MAP4K4: variants seen among roughly 807,000 people sequenced by gnomAD.
The protein encoded by MAP4K4 is mitogen-activated protein kinase kinase kinase kinase 4.
Under a neutral mutation model 189.6 loss-of-function variants are expected in MAP4K4, and 38 were observed. The observed-to-expected ratio is 0.20, with a 90% CI of 0.15 to 0.26. MAP4K4 has a LOEUF of 0.26. MAP4K4 is among the 10% of genes least tolerant of loss of function. The pLI is 1.00. For synonymous variants in MAP4K4, 610 were observed against 624.3 expected, an observed-to-expected ratio of 0.98 and a Z score of 0.34; for missense variants, 1,054 against 1,726.9, an observed-to-expected ratio of 0.61 and a Z score of 6.91.
At chr2:101,707,928 C>T (rs1359909671) in intron 2 of MAP4K4, among the ~76,000 whole-genome samples, 1 of 150,820 alleles carries the variant, frequency 6.6e-6, no homozygotes, top group Non-Finnish European at 1.5e-5. Flanking sequence ...TCTCTTATCT[C>T]CTGACCTGGT....
exon 33 of MAP4K4, chr2:101,893,399 C>T (rs919069180): frequency 2.7e-6 from 1 of 366,660 alleles, no homozygotes; most frequent in African/African-American, 2.1e-5. Context: ...AAAATTAATC[C>T]TACCTTTAAA....
rs767740727 is a variant in MAP4K4 at position 101,888,018 on chromosome 2, G to GT, written c.3931+82dup. On this transcript the variant is annotated intron_variant, in intron 31 of 32. Coordinates refer to ENST00000324219, the Ensembl canonical transcript of MAP4K4. The stretch of plus-strand genomic sequence containing the variant: ...TCCATTTATTTATCATGCTGATTTT[G>GT]TATGTCCTTCAGACCTTTTGACTAC... 101 of 1,337,892 alleles carry GT rather than the reference G, an allele frequency of 7.5e-5. 1 individual carries two copies. In the South Asian group the frequency reaches 1.1e-3, roughly 14 times the overall value. 82.9% of individuals were successfully genotyped at this position (1,337,892 alleles called of 1,614,324 possible).
intron 5 of MAP4K4, among the ~76,000 whole-genome samples, 190 bp downstream of exon 5, chr2:101,825,619 T>A (rs2096314148): frequency 6.6e-6 from 1 of 152,238 alleles, no homozygotes; most frequent in Non-Finnish European, 1.5e-5. Flanking sequence ...CTGGCAAGTA[T>A]GTAAAGAAGG....
intron 12 of MAP4K4, 91 bp downstream of exon 12, chr2:101,844,402 C>A: frequency 9.8e-7 from 1 of 1,021,532 alleles, no homozygotes; most frequent in Non-Finnish European, 1.4e-6. Flanking sequence ...TCCTCTGTAG[C>A]TTCCTGGGGT....
chr2:101,769,022 G>C (rs1311523698), intron 2 of MAP4K4, among the ~76,000 whole-genome samples: 1 of 152,182 alleles, frequency 6.6e-6, no homozygotes, highest in East Asian at 1.9e-4. Flanking sequence ...GTATTTGTGT[G>C]TGAATTTTGT....
chr2:101,801,155 A>C (rs2148976694), intron 3 of MAP4K4, among the ~76,000 whole-genome samples: 1 of 151,896 alleles, frequency 6.6e-6, no homozygotes, highest in Non-Finnish European at 1.5e-5. Flanking sequence ...GTACATGCAA[A>C]GTTTTGTTTT....
intron 2 of MAP4K4, among the ~76,000 whole-genome samples, chr2:101,767,159 C>G (rs184759165): frequency 3.2e-4 from 48 of 152,252 alleles, no homozygotes; most frequent in Non-Finnish European, 5.0e-4. Flanking sequence ...TGCCTCACTT[C>G]CCACTGGAGG....
chr2:101,739,561 G>A (rs1172237027), intron 2 of MAP4K4, among the ~76,000 whole-genome samples: 1 of 152,102 alleles, frequency 6.6e-6, no homozygotes, highest in Admixed American at 6.5e-5. Context: ...AAAAATCTGA[G>A]TGCTTAGTGC....
intron 2 of MAP4K4, among the ~76,000 whole-genome samples, chr2:101,712,377 G>C (rs1359973311): frequency 6.6e-6 from 1 of 152,020 alleles, no homozygotes; most frequent in Non-Finnish European, 1.5e-5. Context: ...TGTATTTTTA[G>C]TAGAGACGGG....
chr2:101,753,657 T>A (rs2070486529), intron 2 of MAP4K4, among the ~76,000 whole-genome samples: 1 of 151,922 alleles, frequency 6.6e-6, no homozygotes, highest in Admixed American at 6.6e-5. Flanking sequence ...TGTCCGCAAG[T>A]ATACAGTTTT....
intron 3 of MAP4K4, chr2:101,797,157 G>T: frequency 8.8e-7 from 1 of 1,130,292 alleles, no homozygotes; most frequent in Non-Finnish European, 1.1e-6. Flanking sequence ...TAATGAATGT[G>T]TTGTTCTTGT....
exon 33 of MAP4K4, chr2:101,891,325 G>A (rs972169432): frequency 7.6e-7 from 1 of 1,312,510 alleles, no homozygotes; most frequent in Non-Finnish European, 1.1e-6. Flanking sequence ...TGTAACTGGA[G>A]CTCGGAGCTG....
At position 101,866,392 on chromosome 2, in the gene MAP4K4, A is replaced by T. The variant is rs910225758; in HGVS notation, c.2205-36A>T. ...TAATTTGGTGCTGCATCTAGAGATG[A>T]CACATTAGCTGTTCTCTCTTCTTCT... On this transcript the variant is annotated intron_variant, in intron 18 of 32. Transcript: ENST00000324219. 5 of 1,585,426 alleles carry T rather than the reference A, an allele frequency of 3.2e-6. No individual in the cohort carries two copies. The African/African-American group carries it at 5.4e-5, about 17-fold the overall frequency.
At chr2:101,848,480 G>A (rs1319688022) in intron 12 of MAP4K4, among the ~76,000 whole-genome samples, 1 of 152,166 alleles carries the variant, frequency 6.6e-6, no homozygotes. Flanking sequence ...AAGATGGTCA[G>A]CCTCACTCAT....
At chr2:101,703,399 C>T (rs1326990707) in intron 2 of MAP4K4, among the ~76,000 whole-genome samples, 3 of 151,936 alleles carry the variant, frequency 2.0e-5, no homozygotes, top group African/African-American at 7.3e-5. Context: ...GGGCGGATCA[C>T]CTGAGGTCAG....
chr2:101,699,021 C>CT (rs770084858), intron 2 of MAP4K4, among the ~76,000 whole-genome samples: 3 of 152,122 alleles, frequency 2.0e-5, no homozygotes, highest in Non-Finnish European at 4.4e-5. Flanking sequence ...CCTGGGAATA[C>CT]TTTATAACTG....
At position 101,776,935 on chromosome 2, in the gene MAP4K4, A is replaced by G. The variant is rs570829044; in HGVS notation, c.124-13785A>G. Reference sequence around the variant, plus strand: ...GATTTTGTTTTTAAATTAAAAATATATATTTTTCTTTTTCTGACTATTGTC... The same window carrying G: ...GATTTTGTTTTTAAATTAAAAATATGTATTTTTCTTTTTCTGACTATTGTC... On this transcript the variant is annotated intron_variant, in intron 2 of 32. Coordinates refer to ENST00000324219, the Ensembl canonical transcript of MAP4K4. 3.9e-5 allele frequency among the ~76,000 whole-genome samples: 6 copies of G among 152,184 alleles called. No homozygotes were observed. The South Asian group carries it at 6.2e-4, about 16-fold the overall frequency.
At chr2:101,729,178 C>T (rs1262246503) in intron 2 of MAP4K4, among the ~76,000 whole-genome samples, 1 of 148,492 alleles carries the variant, frequency 6.7e-6, no homozygotes, top group Non-Finnish European at 1.5e-5. Context: ...TAAGGCCTTC[C>T]CTGGAAATCT....
intron 6 of MAP4K4, chr2:101,829,828 A>T (rs1576385216): frequency 2.4e-6 from 1 of 408,940 alleles, no homozygotes; most frequent in Non-Finnish European, 4.5e-6. Context: ...CTGATCTTCA[A>T]ATCAGACCAT....
Sources: allele counts gnomAD v4.1 joint callset (sites outside exome capture counted in the v4.1 genomes callset), GRCh38; gene constraint gnomAD v4.1.1; transcripts MANE v1.5; gene names NCBI Gene and HGNC (gene_info 2026-07-23, HGNC 2026-07-21).